CBLN2: variants seen among roughly 807,000 people sequenced by gnomAD.
CBLN2 encodes cerebellin 2 precursor, also known as cerebellin-2.
CBLN2 carries 7 observed loss-of-function variants against 15.0 expected under a neutral mutation model. The observed-to-expected ratio is 0.47, with a 90% CI of 0.27 to 0.88. The LOEUF (loss-of-function observed/expected upper bound fraction) is 0.88, where lower values mean the gene tolerates loss of function less well. Among genes scored for constraint, CBLN2 ranks in the 40% least tolerant of loss-of-function variants. The probability of loss-of-function intolerance (pLI) is 0.14; values close to 1 mark genes in which losing one functional copy is unlikely to be tolerated. For synonymous variants in CBLN2, 149 were observed against 135.2 expected (o/e 1.10, Z -0.71); for missense variants, 242 against 304.5 (o/e 0.79, Z 1.53).
chr18:72,611,438 C>T (rs2069621754), intron 1 of CBLN2, among the ~76,000 whole-genome samples: 1 of 152,184 alleles, frequency 6.6e-6, no homozygotes, highest in Admixed American at 6.5e-5. Flanking sequence ...TAATAGCCAT[C>T]TGACTGGCAT....
At chr18:72,592,843 G>A (rs1488445478) in intron 1 of CBLN2, among the ~76,000 whole-genome samples, 1 of 152,064 alleles carries the variant, frequency 6.6e-6, no homozygotes, top group East Asian at 1.9e-4. Flanking sequence ...TGTTCTATTG[G>A]TCTTTGTACC....
intron 1 of CBLN2, among the ~76,000 whole-genome samples, chr18:72,587,267 T>G (rs1357584360): frequency 1.3e-5 from 2 of 152,110 alleles, no homozygotes; most frequent in Non-Finnish European, 2.9e-5. Context: ...TTATGGAATT[T>G]GAATACATGT....
intron 1 of CBLN2, among the ~76,000 whole-genome samples, chr18:72,616,001 A>G (rs2069659040): frequency 6.6e-6 from 1 of 152,200 alleles, no homozygotes; most frequent in Non-Finnish European, 1.5e-5. Context: ...ACAGTAAAAA[A>G]AAGCTTTCAG....
intron 3 of CBLN2, 109 bp from the exon 4 acceptor site, chr18:72,538,881 A>G: frequency 7.0e-7 from 1 of 1,429,030 alleles, no homozygotes; most frequent in Non-Finnish European, 9.4e-7. Flanking sequence ...GCGGCTGGGA[A>G]CACAAATTCA....
At chr18:72,626,585 A>G (rs1198601446) in intron 1 of CBLN2, among the ~76,000 whole-genome samples, 1 of 152,128 alleles carries the variant, frequency 6.6e-6, no homozygotes, top group Non-Finnish European at 1.5e-5. Flanking sequence ...CTGTAATCCC[A>G]GCTACTCGGG....
intron 1 of CBLN2, among the ~76,000 whole-genome samples, chr18:72,596,044 A>G (rs2069511601): frequency 6.6e-6 from 1 of 152,108 alleles, no homozygotes; most frequent in Non-Finnish European, 1.5e-5. Context: ...ATTGTTGATA[A>G]GTAAGGGCTT....
At chr18:72,553,204 C>T (rs2069201948) in intron 1 of CBLN2, among the ~76,000 whole-genome samples, 1 of 152,074 alleles carries the variant, frequency 6.6e-6, no homozygotes, top group Non-Finnish European at 1.5e-5. Flanking sequence ...CTCTGATTTA[C>T]GTGTTCACAA....
chr18:72,582,611 C>G (rs1384959776), intron 1 of CBLN2, among the ~76,000 whole-genome samples: 2 of 152,150 alleles, frequency 1.3e-5, no homozygotes, highest in African/African-American at 4.8e-5. Flanking sequence ...TCTCTGGGAA[C>G]CAAACCTTGA....
intron 1 of CBLN2, among the ~76,000 whole-genome samples, chr18:72,627,050 C>G (rs1236432384): frequency 6.6e-6 from 1 of 152,108 alleles, no homozygotes. Flanking sequence ...TTGTGTCAGG[C>G]AGTTGGAGTT....
chr18:72,541,008 C>T (rs981660386), intron 3 of CBLN2, among the ~76,000 whole-genome samples: 1 of 152,212 alleles, frequency 6.6e-6, no homozygotes, highest in African/African-American at 2.4e-5. Context: ...AAAAGAAGGT[C>T]ATAGCCTTTA....
rs571483808 is a variant in CBLN2 at position 72,621,838 on chromosome 18, A to G, written c.15+16487T>C. On this transcript the variant is annotated intron_variant, in intron 1 of 2. Coordinates refer to the CBLN2 transcript ENST00000581073. ...ATCATTGCTTAAATGAGAACCTACCAGTGGAGTGAGCCAAGGTTTCCAAAA... is the reference window on the plus strand; with the variant it reads ...ATCATTGCTTAAATGAGAACCTACCGGTGGAGTGAGCCAAGGTTTCCAAAA... Among the ~76,000 whole-genome samples, 11 of 152,308 alleles carry G rather than the reference A, an allele frequency of 7.2e-5. No individual in the cohort carries two copies. The South Asian group carries it at 1.2e-3, about 17-fold the overall frequency.
chr18:72,574,576 G>T (rs1467135215), intron 1 of CBLN2, among the ~76,000 whole-genome samples: 3 of 152,180 alleles, frequency 2.0e-5, no homozygotes. Flanking sequence ...GGAGGGGATT[G>T]TCTCAGATGG....
At chr18:72,548,511 C>T (rs1401678563), upstream of CBLN2, among the ~76,000 whole-genome samples, 1 of 152,134 alleles carries the variant, frequency 6.6e-6, no homozygotes, top group East Asian at 1.9e-4. Flanking sequence ...TTGCTCATTG[C>T]CCAAACTAAA....
rs1044116868 is a variant in CBLN2 at position 72,543,636 on chromosome 18, T to C, written c.-211-106A>G. ...AACCGCGCCGCCCCGCCCTGCCGCT[T>C]TCCCGCGCCAGCCTGCGCCGCTTCA... On this transcript the variant is annotated intron_variant, in intron 1 of 4. Coordinates refer to ENST00000269503, the MANE Select transcript of CBLN2 (RefSeq NM_182511.4). The surrounding 1 kb of genome is among the most constrained non-coding windows in gnomAD (Gnocchi z 6.8). 2.6e-6 allele frequency: 1 copy of C among 381,672 alleles called. No individual in the cohort carries two copies. The highest frequency in any genetic ancestry group is 2.1e-5 in the African/African-American group (1 of 47,978). The allele number at this position is 381,672 out of a possible 1,614,324, so 23.6% of individuals were successfully genotyped here.
At chr18:72,577,745 C>T (rs913275110) in intron 1 of CBLN2, among the ~76,000 whole-genome samples, 2 of 152,178 alleles carry the variant, frequency 1.3e-5, no homozygotes, top group Non-Finnish European at 2.9e-5. Flanking sequence ...TCCATCACAA[C>T]TGATTTCATG....
chr18:72,553,159 G>C (rs1191028046), intron 1 of CBLN2, among the ~76,000 whole-genome samples: 1 of 152,160 alleles, frequency 6.6e-6, no homozygotes, highest in Non-Finnish European at 1.5e-5. Flanking sequence ...AGACCAGAGG[G>C]GAGAAACTGT....
chr18:72,553,716 C>T (rs2069206036), intron 1 of CBLN2, among the ~76,000 whole-genome samples: 1 of 152,054 alleles, frequency 6.6e-6, no homozygotes, highest in African/African-American at 2.4e-5. Context: ...TTTCCTAATC[C>T]TGGTCATAGA....
At chr18:72,547,110 TCACA>T (rs36204454), upstream of CBLN2, among the ~76,000 whole-genome samples, 15,893 of 148,534 alleles carry the variant, frequency 0.11, 942 homozygotes, top group African/African-American at 0.18. Flanking sequence ...AAAGAAAGTG[TCACA>T]CACACACACA....
chr18:72,613,659 A>G (rs1277754326), intron 1 of CBLN2, among the ~76,000 whole-genome samples: 4 of 152,168 alleles, frequency 2.6e-5, no homozygotes, highest in African/African-American at 9.7e-5. Context: ...ACAAAATGCC[A>G]AAGGGGAGAA....
Sources: allele counts gnomAD v4.1 joint callset (sites outside exome capture counted in the v4.1 genomes callset), GRCh38; gene constraint gnomAD v4.1.1; non-coding constraint Gnocchi (gnomAD v3.1); transcripts MANE v1.5; gene names NCBI Gene and HGNC (gene_info 2026-07-23, HGNC 2026-07-21).